UNC79: variants seen among roughly 807,000 people sequenced by gnomAD.
UNC79 encodes the protein unc-79 subunit of NALCN channel complex, also known as protein unc-79 homolog.
A neutral mutation model predicts 283.1 loss-of-function variants in UNC79; 37 were observed. The observed-to-expected ratio is 0.13, with a 90% CI of 0.10 to 0.17. The LOEUF (loss-of-function observed/expected upper bound fraction) is 0.17, where lower values mean the gene tolerates loss of function less well. Ranked by LOEUF, UNC79 falls within the 10% of genes least tolerant of loss-of-function variation. The pLI is 1.00. For missense variants in UNC79, 2,272 were observed against 3,211.1 expected, an observed-to-expected ratio of 0.71 and a Z score of 7.07; for synonymous variants, 1,107 against 1,200.2, an observed-to-expected ratio of 0.92 and a Z score of 1.61.
chr14:93,533,553 G>A (rs1299013230), intron 11 of UNC79, among the ~76,000 whole-genome samples: 1 of 152,086 alleles, frequency 6.6e-6, no homozygotes, highest in African/African-American at 2.4e-5. Context: ...TGGTGAGATG[G>A]GTGGGGTGTC....
intron 12 of UNC79, among the ~76,000 whole-genome samples, chr14:93,539,474 T>C (rs1038313773): frequency 2.6e-5 from 4 of 151,412 alleles, no homozygotes; most frequent in Non-Finnish European, 5.9e-5. Context: ...TGAGCTGAGA[T>C]TGCGCCACTG....
At chr14:93,599,301 G>C (rs1258837844) in intron 24 of UNC79, among the ~76,000 whole-genome samples, 1 of 152,026 alleles carries the variant, frequency 6.6e-6, no homozygotes, top group African/African-American at 2.4e-5. Flanking sequence ...CACATAGCTA[G>C]TTATCTGCAG....
chr14:93,462,891 G>A (rs2057011017), intron 1 of UNC79, among the ~76,000 whole-genome samples: 1 of 152,274 alleles, frequency 6.6e-6, no homozygotes, highest in African/African-American at 2.4e-5. Flanking sequence ...CCCAAGTGGA[G>A]AAATTGAATC....
At chr14:93,373,841 T>C (rs1207227757) in intron 1 of UNC79, among the ~76,000 whole-genome samples, 2 of 152,170 alleles carry the variant, frequency 1.3e-5, no homozygotes, top group Non-Finnish European at 2.9e-5. Flanking sequence ...TCAACATAGA[T>C]GCAAAAAACT....
chr14:93,603,077 ATAGT>A (rs2065629810), intron 25 of UNC79, among the ~76,000 whole-genome samples, 158 bp from the exon 26 acceptor site: 1 of 152,236 alleles, frequency 6.6e-6, no homozygotes, highest in Non-Finnish European at 1.5e-5. Context: ...ATGATAGGCA[ATAGT>A]TATTTTTGTA....
At chr14:93,641,285 G>C (rs1198159324) in intron 33 of UNC79, 38 bp downstream of exon 36, 1 of 1,579,212 alleles carries the variant, frequency 6.3e-7, no homozygotes, top group Non-Finnish European at 8.6e-7. Context: ...CATGTTTACA[G>C]AATTTAAGTT....
chr14:93,660,563 A>ATATATATATGTGTGTGTGTG (rs1203621990), intron 39 of UNC79, among the ~76,000 whole-genome samples: 4 of 64,758 alleles, frequency 6.2e-5, no homozygotes, highest in Non-Finnish European at 1.2e-4. Flanking sequence ...ATATATATAT[A>ATATATATATGTGTGTGTGTG]TGTGTGTGTG....
chr14:93,610,839 G>A lies in UNC79; in HGVS notation c.3755-1958G>A, dbSNP rs149090749. Among the ~76,000 whole-genome samples the A allele has an allele frequency of 4.7e-4, 72 of 152,140 alleles. 1 individual carries two copies. Among genetic ancestry groups the A allele is most frequent in the African/African-American group, 1.7e-3 (71 of 41,524 alleles). The stretch of plus-strand genomic sequence containing the variant: ...TTGCCTAGGCTGGTCTCAAACTCCT[G>A]GGCTCAAGTGATTCTCCCACCTCGG... On this transcript the variant is annotated intron_variant, in intron 26 of 48. Coordinates refer to ENST00000555664, the Ensembl canonical transcript of UNC79.
chr14:93,347,794 C>A (rs1318001773), intron 1 of UNC79, among the ~76,000 whole-genome samples: 1 of 151,698 alleles, frequency 6.6e-6, no homozygotes, highest in African/African-American at 2.4e-5. Flanking sequence ...TGGGCCACAT[C>A]GAAGTTCCAG....
intron 1 of UNC79, among the ~76,000 whole-genome samples, chr14:93,357,680 T>TAA (rs2054115831): frequency 2.2e-5 from 1 of 44,640 alleles, no homozygotes; most frequent in Non-Finnish European, 4.2e-5. Flanking sequence ...AACTCCCATA[T>TAA]ATATATATAT....
chr14:93,603,379 A>G (rs767668535), exon 26 of UNC79: 1 of 1,614,170 alleles, frequency 6.2e-7, no homozygotes, highest in Admixed American at 1.7e-5. Flanking sequence ...GGAATCCAAG[A>G]GGGCGCTCTC....
At chr14:93,451,961 C>G (rs1256491826) in intron 1 of UNC79, among the ~76,000 whole-genome samples, 1 of 152,146 alleles carries the variant, frequency 6.6e-6, no homozygotes, top group Non-Finnish European at 1.5e-5. Context: ...TTTGAAAAAT[C>G]CTTTTACTGT....
At chr14:93,450,740 C>G (rs1029572171) in intron 1 of UNC79, among the ~76,000 whole-genome samples, 2 of 152,142 alleles carry the variant, frequency 1.3e-5, no homozygotes, top group African/African-American at 4.8e-5. Context: ...TAGTTTCTGA[C>G]ATTTCATAAC....
In UNC79 at chr14:93,690,330, C is replaced by G. The variant is rs371144558; in HGVS notation, c.7272+27C>G. The G allele has an allele frequency of 2.5e-5, 40 of 1,595,102 alleles. No individual in the cohort carries two copies. The highest frequency in any genetic ancestry group is 3.0e-5 in the Non-Finnish European group (35 of 1,168,800). ...TAAGTGATTTCTGCAAGATTAAGAC[C>G]GTATGCATCGCAATTGCTAATGGAA... On this transcript the variant is annotated intron_variant, in intron 45 of 48. Transcript: ENST00000555664. This position sits in a 1 kb window ranked among gnomAD's most constrained non-coding sequence, Gnocchi z 4.3.
At chr14:93,655,689 A>G (rs1306517137) in intron 38 of UNC79, among the ~76,000 whole-genome samples, 1 of 151,862 alleles carries the variant, frequency 6.6e-6, no homozygotes, top group Non-Finnish European at 1.5e-5. Context: ...AGACATGAGT[A>G]GACTGTGTTT....
chr14:93,445,187 TA>T (rs34327727), intron 1 of UNC79, among the ~76,000 whole-genome samples: 1 of 152,142 alleles, frequency 6.6e-6, no homozygotes. Flanking sequence ...GTGAGTAGTT[TA>T]AAAAAAGAAA....
chr14:93,499,166 A>T (rs2059167360), intron 7 of UNC79, among the ~76,000 whole-genome samples: 1 of 152,222 alleles, frequency 6.6e-6, no homozygotes. Context: ...AATAAAAACA[A>T]TGAAAGTAGA....
intron 1 of UNC79, among the ~76,000 whole-genome samples, chr14:93,381,884 A>G (rs932546734): frequency 1.3e-5 from 2 of 151,974 alleles, no homozygotes; most frequent in African/African-American, 2.4e-5. Flanking sequence ...TTTCACCTTG[A>G]CTCTTATCAG....
intron 1 of UNC79, among the ~76,000 whole-genome samples, chr14:93,452,451 C>T (rs569690948): frequency 1.4e-5 from 2 of 147,228 alleles, no homozygotes; most frequent in African/African-American, 5.1e-5. Context: ...TGCAATGGCG[C>T]GATCTCGGCT....
Sources: allele counts gnomAD v4.1 joint callset (sites outside exome capture counted in the v4.1 genomes callset), GRCh38; gene constraint gnomAD v4.1.1; non-coding constraint Gnocchi (gnomAD v3.1); transcripts MANE v1.5; gene names NCBI Gene and HGNC (gene_info 2026-07-23, HGNC 2026-07-21).